Variants in NPRL3 observed in about 807,000 individuals in gnomAD.
The protein encoded by NPRL3 is NPR3 like, GATOR1 complex subunit, also known as GATOR1 complex protein NPRL3.
A neutral mutation model predicts 57.2 loss-of-function variants in NPRL3; 23 were observed. The ratio of observed to expected loss-of-function variants is 0.40; its 90% CI spans 0.29 to 0.57. The LOEUF (loss-of-function observed/expected upper bound fraction) is 0.57. Ranked by LOEUF, NPRL3 falls within the 20% of genes least tolerant of loss-of-function variation. The pLI, the probability that NPRL3 is intolerant of heterozygous loss-of-function variation, is 0.42. For missense variants in NPRL3, 691 were observed against 767.1 expected (o/e 0.90, Z 1.17); for synonymous variants, 333 against 321.1 (o/e 1.04, Z -0.39).
Position 138,257 on chromosome 16 carries a change from T to C in NPRL3, c.11A>G (p.Asn4Ser), listed in dbSNP as rs759212295. MRD[N>S]TSPISVILVS... ...CAGAATCACGCTGATGGGGCTGGTG[T>C]TGTCCCGCATCCCGCCGTGGGGCCG... Residue 4 changes from asparagine to serine, a missense_variant, in exon 2 of 14, where the codon AAC becomes AGC. Coordinates refer to ENST00000611875, the MANE Select transcript of NPRL3 (RefSeq NM_001077350.3). 1.4e-5 allele frequency: 22 copies of C among 1,602,612 alleles called. No individual in the cohort carries two copies. The African/African-American group carries it at 2.7e-4, about 20-fold the overall frequency.
intron 4 of NPRL3, 45 bp from the exon 5 acceptor site, chr16:117,420 G>A (rs1900091785): frequency 7.1e-7 from 1 of 1,401,952 alleles, no homozygotes; most frequent in Non-Finnish European, 1.0e-6. Flanking sequence ...GACTTTCTAA[G>A]GAAAGCTGTT....
intron 12 of NPRL3, 196 bp from the exon 13 acceptor site, chr16:89,086 G>C (rs994737852): frequency 1.7e-6 from 1 of 600,000 alleles, no homozygotes; most frequent in Non-Finnish European, 3.0e-6. Flanking sequence ...TTGGGAAACG[G>C]GTAGCCTCCC....
chr16:98,151 C>T lies in NPRL3; in HGVS notation c.918G>A (p.Leu306=). ...TGGGCCTCCAGAGCTATACCTGCAG[C>T]AAGGCCAGGTCCGCATCTTGGGCTA... ...QQLAQDADLA[L]LQVFQLAAHL... is the part of the protein sequence containing the mutation. Residue 306 remains leucine (L), a synonymous_variant, in exon 9 of 14, where the codon TTG becomes TTA. Transcript: ENST00000611875. 1 of 1,613,490 alleles carries T rather than the reference C, an allele frequency of 6.2e-7. No homozygotes were observed. The highest frequency in any genetic ancestry group is 8.5e-7 in the Non-Finnish European group (1 of 1,179,662).
intron 8 of NPRL3, among the ~76,000 whole-genome samples, chr16:99,954 C>CA (rs1567134265): frequency 7.7e-6 from 1 of 129,772 alleles, no homozygotes; most frequent in African/African-American, 3.3e-5. Context: ...ACACACACAC[C>CA]CCCGCAAAAA....
At chr16:130,903 T>C (rs1464087498) in intron 2 of NPRL3, among the ~76,000 whole-genome samples, 2 of 152,236 alleles carry the variant, frequency 1.3e-5, no homozygotes, top group Admixed American at 6.5e-5. Flanking sequence ...TATTGGTCAG[T>C]GGTTACAGAG....
Position 89,870 on chromosome 16 carries a change from C to T in NPRL3, c.1194G>A (p.Leu398=). 6.4e-7 allele frequency: 1 copy of T among 1,557,698 alleles called. No homozygotes were observed. Among genetic ancestry groups the T allele is most frequent in the Middle Eastern group, 1.7e-4 (1 of 5,986 alleles). ...TQLIQMVVWM[L]QRRLLIQLHT... ...GCAGCTGGATGAGAAGCCGGCGCTG[C>T]AGCATCCACACCACCATCTGGATGA... The change falls in exon 12 of 14, where the codon CTG becomes CTA. Residue 398 remains leucine, a synonymous_variant. Coordinates refer to ENST00000611875, the MANE Select transcript of NPRL3 (RefSeq NM_001077350.3).
intron 11 of NPRL3, chr16:91,031 G>A (rs1898741163): frequency 6.6e-6 from 1 of 152,040 alleles, no homozygotes; most frequent in Non-Finnish European, 1.5e-5. Flanking sequence ...AGTGAGCCAA[G>A]ATCACGCCAC....
At chr16:132,722 T>A (rs1900869353) in intron 2 of NPRL3, among the ~76,000 whole-genome samples, 1 of 149,250 alleles carries the variant, frequency 6.7e-6, no homozygotes, top group Non-Finnish European at 1.5e-5. Context: ...CAGGCTGGAG[T>A]GCAGTGGCGG....
intron 4 of NPRL3, 147 bp downstream of exon 4, chr16:118,979 G>C (rs1161593865): frequency 8.3e-6 from 10 of 1,206,240 alleles, no homozygotes; most frequent in Non-Finnish European, 1.2e-5. Flanking sequence ...CCCAGGGGGA[G>C]CCCCACCTGC....
intron 2 of NPRL3, among the ~76,000 whole-genome samples, chr16:134,694 A>ATTATTATTTTTTTTTTTTTTTTTTTTT (rs1346965930): frequency 9.7e-6 from 1 of 103,412 alleles, no homozygotes. Context: ...AATTATTATT[A>ATTATTATTTTTTTTTTTTTTTTTTTTT]TTTTTTTTTT....
intron 7 of NPRL3, among the ~76,000 whole-genome samples, chr16:104,616 C>G (rs1899451445): frequency 6.6e-6 from 1 of 152,228 alleles, no homozygotes; most frequent in Non-Finnish European, 1.5e-5. Context: ...GTTGGTTCCT[C>G]TAACTTCCAC....
intron 3 of NPRL3, 69 bp from the exon 4 acceptor site, chr16:119,324 C>G: frequency 6.7e-7 from 1 of 1,495,222 alleles, no homozygotes. Context: ...CCTGCTGGCC[C>G]CAGAGCGGAA....
intron 2 of NPRL3, among the ~76,000 whole-genome samples, chr16:133,962 T>C (rs1900933972): frequency 6.6e-6 from 1 of 152,176 alleles, no homozygotes. Context: ...CAATTATTGA[T>C]GAAACTTGCT....
chr16:90,002 C>A lies in NPRL3; in HGVS notation c.1162-100G>T, dbSNP rs867850186. 7.9e-6 allele frequency: 9 copies of A among 1,144,834 alleles called. No homozygotes were observed. In the Middle Eastern group the frequency reaches 9.7e-4, roughly 123 times the overall value. The allele number at this position is 1,144,834 out of a possible 1,614,324, so 70.9% of individuals were successfully genotyped here. A position where few individuals can be genotyped will look rare whatever the true frequency, so the allele number is the denominator to read the frequency against. ...CCTAGACATGGCCACAGCACGCTCC[C>A]TGTGCTGACGCACAGGCAGAAAGGC... On this transcript the variant is annotated intron_variant, in intron 11 of 13. Transcript: ENST00000611875.
At chr16:127,143 A>AT (rs1167194421) in intron 3 of NPRL3, 2 of 152,358 alleles carry the variant, frequency 1.3e-5, no homozygotes, top group Non-Finnish European at 2.9e-5. Flanking sequence ...AAGTGCTGGG[A>AT]TTACAGGCAT....
intron 9 of NPRL3, among the ~76,000 whole-genome samples, chr16:96,938 T>C (rs1008195204): frequency 1.5e-5 from 2 of 136,098 alleles, no homozygotes; most frequent in Admixed American, 7.7e-5. Flanking sequence ...AGTCAGGCCT[T>C]GTTGGACAAG....
intron 9 of NPRL3, among the ~76,000 whole-genome samples, chr16:94,768 C>T (rs867019573): frequency 3.3e-5 from 5 of 152,100 alleles, no homozygotes; most frequent in Non-Finnish European, 5.9e-5. Flanking sequence ...GCTCCATCAC[C>T]GCCCTGTTCC....
At position 89,592 on chromosome 16, in the gene NPRL3, ATGTGCG is replaced by A. The variant is rs1898667542; in HGVS notation, c.1351+115_1351+120del. 5.4e-6 allele frequency: 5 copies of A among 924,666 alleles called. No homozygotes were observed. The East Asian group carries it at 1.5e-4, about 29-fold the overall frequency. The allele number at this position is 924,666 out of a possible 1,614,324, so 57.3% of individuals were successfully genotyped here. On this transcript the variant is annotated intron_variant, in intron 12 of 13. Transcript: ENST00000611875. Reference sequence around the variant, plus strand: ...TCCACGGGGGACACGAGGCACGTGCATGTGCGTGTGCAGCTGTGTGGAGGCCCCTCA... The same window carrying A: ...TCCACGGGGGACACGAGGCACGTGCATGTGCAGCTGTGTGGAGGCCCCTCA...
At position 86,045 on chromosome 16, in the gene NPRL3, C is replaced by A; in HGVS notation, c.*660G>T. 1 of 361,156 alleles carries A rather than the reference C, an allele frequency of 2.8e-6. No homozygotes were observed. Among genetic ancestry groups the A allele is most frequent in the Non-Finnish European group, 4.9e-6 (1 of 203,654 alleles). The allele number at this position is 361,156 out of a possible 1,614,324, so 22.4% of individuals were successfully genotyped here. On this transcript the variant is annotated 3_prime_UTR_variant, in exon 14 of 14. Transcript: ENST00000611875. ...GCCATGCCTCCACCAGCAAGATGTGCACAGGTGACAGGGCTTCTCCAGCCT... is the reference window on the plus strand; with the variant it reads ...GCCATGCCTCCACCAGCAAGATGTGAACAGGTGACAGGGCTTCTCCAGCCT...
Sources: allele counts gnomAD v4.1 joint callset (sites outside exome capture counted in the v4.1 genomes callset), GRCh38; gene constraint gnomAD v4.1.1; transcripts MANE v1.5; gene names NCBI Gene and HGNC (gene_info 2026-07-23, HGNC 2026-07-21).